CNTLN: variants seen among roughly 807,000 people sequenced by gnomAD.
CNTLN encodes the protein centlein, also known as centlein, centrosomal protein.
Under a neutral mutation model 180.0 loss-of-function variants are expected in CNTLN, and 212 were observed. The ratio of observed to expected loss-of-function variants is 1.18; its 90% CI spans 1.05 to 1.32. CNTLN has a LOEUF of 1.32. Among genes scored for constraint, CNTLN ranks in the 40% most tolerant of loss-of-function variants. The probability of loss-of-function intolerance (pLI) is 0.00; values close to 1 mark genes in which losing one functional copy is unlikely to be tolerated. For missense variants in CNTLN, 2,095 were observed against 1,610.9 expected, an observed-to-expected ratio of 1.30 and a Z score of -5.14; for synonymous variants, 722 against 563.1, an observed-to-expected ratio of 1.28 and a Z score of -3.99.
chr9:17,343,841 C>T (rs537734450), intron 12 of CNTLN, among the ~76,000 whole-genome samples: 7 of 152,222 alleles, frequency 4.6e-5, no homozygotes, highest in Admixed American at 2.6e-4. Flanking sequence ...CCCCAGCCCT[C>T]CCATCCATCC....
At chr9:17,416,462 T>G (rs918881167) in intron 18 of CNTLN, among the ~76,000 whole-genome samples, 5 of 152,200 alleles carry the variant, frequency 3.3e-5, no homozygotes, top group African/African-American at 9.6e-5. Context: ...CTTTGAAATA[T>G]TTTTACATAT....
In CNTLN at chr9:17,425,985, G is replaced by A. The variant is rs183941649; in HGVS notation, c.3114+9796G>A. Among the ~76,000 whole-genome samples the A allele has an allele frequency of 2.0e-5, 3 of 152,170 alleles. 1 individual carries two copies. Among genetic ancestry groups the A allele is most frequent in the Admixed American group, 1.3e-4 (2 of 15,266 alleles). On this transcript the variant is annotated intron_variant, in intron 18 of 25. Coordinates refer to ENST00000380647, the MANE Select transcript of CNTLN (RefSeq NM_017738.4). ...ACTGATAGTGCAAATAACGAGAAAGGTTGTTTTGAAGAGAACATTAAGAGT... is the reference window on the plus strand; with the variant it reads ...ACTGATAGTGCAAATAACGAGAAAGATTGTTTTGAAGAGAACATTAAGAGT...
At chr9:17,428,553 A>C (rs1014329883) in intron 18 of CNTLN, among the ~76,000 whole-genome samples, 4 of 152,142 alleles carry the variant, frequency 2.6e-5, no homozygotes, top group Admixed American at 2.6e-4. Context: ...TTTGTTTTTC[A>C]GTAGGTTATA....
intron 2 of CNTLN, among the ~76,000 whole-genome samples, chr9:17,208,207 C>G (rs550959380): frequency 6.6e-6 from 1 of 152,078 alleles, no homozygotes; most frequent in Non-Finnish European, 1.5e-5. Context: ...TGCTTTTTCA[C>G]GTGACATCAA....
At chr9:17,254,933 CATTT>C (rs1826382667) in intron 5 of CNTLN, among the ~76,000 whole-genome samples, 1 of 151,648 alleles carries the variant, frequency 6.6e-6, no homozygotes. Context: ...GATGTCTTTC[CATTT>C]ATTTGTGTCC....
intron 18 of CNTLN, among the ~76,000 whole-genome samples, chr9:17,454,833 C>T (rs1039277515): frequency 4.6e-5 from 7 of 152,220 alleles, no homozygotes; most frequent in Admixed American, 4.6e-4. Context: ...GAAATTATGA[C>T]TCTTCCATGT....
In CNTLN at chr9:17,457,509, T is replaced by G; in HGVS notation, c.3115-15T>G. 9.5e-6 allele frequency: 12 copies of G among 1,264,170 alleles called. No homozygotes were observed. The highest frequency in any genetic ancestry group is 1.2e-5 in the Non-Finnish European group (12 of 979,066). 78.3% of individuals were successfully genotyped at this position (1,264,170 alleles called of 1,614,324 possible). A position where few individuals can be genotyped will look rare whatever the true frequency, so the allele number is the denominator to read the frequency against. Reference sequence around the variant, plus strand: ...TAAAATATATTTATATTTATTTTCTTTTTTTAAAAAAAAGAAGCTAAATTT... The same window carrying G: ...TAAAATATATTTATATTTATTTTCTGTTTTTAAAAAAAAGAAGCTAAATTT... On this transcript the variant is annotated splice_polypyrimidine_tract_variant and intron_variant, in intron 18 of 25. Transcript: ENST00000380647.
rs1329490808 is a variant in CNTLN at position 17,267,767 on chromosome 9, T to C, written c.850-5966T>C. ...TTATTCTTTTTTCTCTAAACTTCTC[T>C]TCTCACTTCATTTCATTCATTTCAT... On this transcript the variant is annotated intron_variant, in intron 5 of 25. Coordinates refer to ENST00000380647, the MANE Select transcript of CNTLN (RefSeq NM_017738.4). 3.9e-5 allele frequency among the ~76,000 whole-genome samples: 6 copies of C among 152,334 alleles called. No homozygotes were observed. In the East Asian group the frequency reaches 9.6e-4, roughly 24 times the overall value.
chr9:17,332,485 GAT>G (rs1820709298), intron 9 of CNTLN, 118 bp from the exon 10 acceptor site: 2 of 624,722 alleles, frequency 3.2e-6, no homozygotes, highest in East Asian at 8.2e-5. Flanking sequence ...TTCCATGCAG[GAT>G]TTTTTTTTTT....
chr9:17,180,226 GT>G (rs1264390576), intron 2 of CNTLN, among the ~76,000 whole-genome samples: 2,767 of 122,536 alleles, frequency 0.023, 54 homozygotes, highest in African/African-American at 0.058. Context: ...TGCTATCTCT[GT>G]TTTTTTTTTT....
chr9:17,436,103 G>C (rs1369048295), intron 18 of CNTLN, among the ~76,000 whole-genome samples: 2 of 152,062 alleles, frequency 1.3e-5, no homozygotes, highest in African/African-American at 4.8e-5. Flanking sequence ...TTAAAAGCAA[G>C]AATATGCTTT....
intron 2 of CNTLN, among the ~76,000 whole-genome samples, chr9:17,220,221 T>C (rs561210795): frequency 2.0e-5 from 3 of 152,186 alleles, no homozygotes; most frequent in South Asian, 4.2e-4. Context: ...ACTTGTGTCA[T>C]AGGAGATAAT....
chr9:17,171,414 G>A (rs1231610176), intron 2 of CNTLN, among the ~76,000 whole-genome samples: 1 of 152,190 alleles, frequency 6.6e-6, no homozygotes, highest in Non-Finnish European at 1.5e-5. Flanking sequence ...TCTCCATGCA[G>A]TTTTGTCAGC....
At chr9:17,448,233 C>G (rs918719437) in intron 18 of CNTLN, 6 of 166,972 alleles carry the variant, frequency 3.6e-5, no homozygotes, top group South Asian at 1.6e-4. Flanking sequence ...ATGTATCACT[C>G]AAAAAATTCA....
chr9:17,173,014 G>A (rs1201555756), intron 2 of CNTLN, among the ~76,000 whole-genome samples: 2 of 152,154 alleles, frequency 1.3e-5, no homozygotes, highest in Non-Finnish European at 2.9e-5. Context: ...CAAATTTTTT[G>A]TGGAGAAAAG....
intron 7 of CNTLN, among the ~76,000 whole-genome samples, chr9:17,305,010 T>C (rs1218786679): frequency 6.6e-6 from 1 of 152,140 alleles, no homozygotes; most frequent in Non-Finnish European, 1.5e-5. Flanking sequence ...TTAAACAAAT[T>C]AGTATCAGTG....
At chr9:17,155,770 G>T (rs886339441) in intron 2 of CNTLN, among the ~76,000 whole-genome samples, 1 of 152,058 alleles carries the variant, frequency 6.6e-6, no homozygotes, top group African/African-American at 2.4e-5. Flanking sequence ...TGTTCTGGGC[G>T]CCAGTAGGGT....
chr9:17,424,517 A>G (rs1473644658), intron 18 of CNTLN, among the ~76,000 whole-genome samples: 3 of 152,222 alleles, frequency 2.0e-5, no homozygotes, highest in African/African-American at 7.2e-5. Context: ...GAATCATATT[A>G]TCAAAGAAAA....
At chr9:17,293,162 G>A (rs1053906224) in intron 6 of CNTLN, among the ~76,000 whole-genome samples, 13 of 152,144 alleles carry the variant, frequency 8.5e-5, no homozygotes, top group African/African-American at 1.4e-4. Flanking sequence ...TGGGATCTTC[G>A]TCCCAGAGGG....
Sources: allele counts gnomAD v4.1 joint callset (sites outside exome capture counted in the v4.1 genomes callset), GRCh38; gene constraint gnomAD v4.1.1; transcripts MANE v1.5; gene names NCBI Gene and HGNC (gene_info 2026-07-23, HGNC 2026-07-21).